SUGCT: variants seen among roughly 807,000 people sequenced by gnomAD.
SUGCT encodes the protein succinyl-CoA:glutarate CoA-transferase.
SUGCT carries 41 observed loss-of-function variants against 55.0 expected under a neutral mutation model. The observed-to-expected ratio is 0.74, with a 90% confidence interval of 0.58 to 0.97. The LOEUF (loss-of-function observed/expected upper bound fraction) is 0.97. SUGCT is among the 50% of genes least tolerant of loss of function. SUGCT has a pLI of 0.00. For synonymous variants in SUGCT, 187 were observed against 200.4 expected, an observed-to-expected ratio of 0.93 and a Z score of 0.56; for missense variants, 568 against 547.8, an observed-to-expected ratio of 1.04 and a Z score of -0.37.
chr7:40,959,803 G>A, the SUGCT span, among the ~76,000 whole-genome samples: 3 of 152,306 alleles, frequency 2.0e-5, no homozygotes, highest in South Asian at 4.1e-4. Flanking sequence ...CACTGGTGGT[G>A]TAGGCACCTG....
At chr7:40,948,624 G>T in the SUGCT span, among the ~76,000 whole-genome samples, 3 of 151,464 alleles carry the variant, frequency 2.0e-5, no homozygotes, top group Non-Finnish European at 4.4e-5. Flanking sequence ...CCGCCGACAG[G>T]CCCCAGTGTG....
At chr7:40,645,027 G>A (rs970358527) in intron 12 of SUGCT, among the ~76,000 whole-genome samples, 2 of 152,138 alleles carry the variant, frequency 1.3e-5, no homozygotes, top group Non-Finnish European at 2.9e-5. Flanking sequence ...CCCGCTGCAG[G>A]CCTTTTAATC....
chr7:40,747,144 C>T (rs142113685), intron 12 of SUGCT, among the ~76,000 whole-genome samples: 141 of 152,270 alleles, frequency 9.3e-4, no homozygotes, highest in Non-Finnish European at 1.1e-3. Flanking sequence ...CTGGCCAGCT[C>T]TTGAGTACAA....
chr7:40,314,853 T>A (rs1795343366), intron 8 of SUGCT, among the ~76,000 whole-genome samples: 1 of 152,168 alleles, frequency 6.6e-6, no homozygotes, highest in Non-Finnish European at 1.5e-5. Context: ...TGTGAGCCAC[T>A]GCTCCCGGCC....
chr7:40,487,078 CTTTTTTTTTT>C (rs745766266), intron 11 of SUGCT, among the ~76,000 whole-genome samples: 26 of 93,902 alleles, frequency 2.8e-4, no homozygotes, highest in Admixed American at 2.4e-3. Context: ...TGATTTCAAT[CTTTTTTTTTT>C]TTTTTTTTTT....
intron 6 of SUGCT, among the ~76,000 whole-genome samples, chr7:40,232,388 G>T (rs1788771886): frequency 6.6e-6 from 1 of 152,076 alleles, no homozygotes; most frequent in Non-Finnish European, 1.5e-5. Context: ...TTAACCCAGG[G>T]CAACAGGGGT....
chr7:40,253,917 C>T (rs1790619251), intron 7 of SUGCT, among the ~76,000 whole-genome samples: 1 of 152,206 alleles, frequency 6.6e-6, no homozygotes, highest in Non-Finnish European at 1.5e-5. Context: ...CTTTACACAA[C>T]TTACTTGTTG....
At chr7:40,237,191 C>T (rs1244223439) in intron 6 of SUGCT, among the ~76,000 whole-genome samples, 2 of 150,358 alleles carry the variant, frequency 1.3e-5, no homozygotes, top group Non-Finnish European at 1.5e-5. Flanking sequence ...TGCCTGTAAT[C>T]CTAGCATTTT....
At chr7:40,778,407 A>C (rs1054703847) in intron 13 of SUGCT, among the ~76,000 whole-genome samples, 2 of 152,254 alleles carry the variant, frequency 1.3e-5, no homozygotes, top group Admixed American at 1.3e-4. Context: ...TATGTTTAGA[A>C]ATTAAATATG....
At chr7:40,188,434 C>CAAAAAAAAAAA in intron 3 of SUGCT, 61 bp from the exon 4 acceptor site, 1 of 598,174 alleles carries the variant, frequency 1.7e-6, no homozygotes, top group South Asian at 2.1e-5. Context: ...ACTCCATCTC[C>CAAAAAAAAAAA]AAAAAAAAAA....
At position 40,564,971 on chromosome 7, in the gene SUGCT, A is replaced by G. The variant is rs1358832384; in HGVS notation, c.1089+68585A>G. Among the ~76,000 whole-genome samples, 3 of 152,220 alleles carry G rather than the reference A, an allele frequency of 2.0e-5. No individual in the cohort carries two copies. The East Asian group carries it at 5.8e-4, about 29-fold the overall frequency. On this transcript the variant is annotated intron_variant, in intron 12 of 13. Transcript: ENST00000335693. ...TCTCATGTAAGTAGCTCAAGATCCA[A>G]TTTCCTGTACCCCAGGAAGAATGGT... is the stretch of plus-strand genomic sequence containing the variant.
At chr7:40,322,646 A>C (rs1795815993) in intron 9 of SUGCT, among the ~76,000 whole-genome samples, 1 of 152,200 alleles carries the variant, frequency 6.6e-6, no homozygotes, top group Admixed American at 6.5e-5. Context: ...CTTGAGAATA[A>C]GACTGTAACC....
At chr7:40,481,708 T>C (rs1791056804) in intron 11 of SUGCT, among the ~76,000 whole-genome samples, 1 of 152,138 alleles carries the variant, frequency 6.6e-6, no homozygotes, top group Non-Finnish European at 1.5e-5. Flanking sequence ...AGATGCCCCC[T>C]TTTTCCCTAT....
intron 1 of SUGCT, chr7:40,153,380 G>A: frequency 2.7e-6 from 1 of 370,178 alleles, no homozygotes; most frequent in South Asian, 2.5e-5. Flanking sequence ...GATGTTTAAG[G>A]CTATTTTAAG....
intron 1 of SUGCT, among the ~76,000 whole-genome samples, chr7:40,141,044 T>G (rs1024076898): frequency 6.6e-6 from 1 of 152,184 alleles, no homozygotes; most frequent in Non-Finnish European, 1.5e-5. Context: ...TAGTTTTCCT[T>G]GTAGATTTCT....
intron 12 of SUGCT, among the ~76,000 whole-genome samples, chr7:40,647,384 A>T (rs1361012271): frequency 6.6e-6 from 1 of 152,204 alleles, no homozygotes; most frequent in Non-Finnish European, 1.5e-5. Flanking sequence ...GTGCAAAAGT[A>T]CTACTGATAC....
chr7:40,569,186 G>T (rs1796303519), intron 12 of SUGCT, among the ~76,000 whole-genome samples: 1 of 152,078 alleles, frequency 6.6e-6, no homozygotes, highest in African/African-American at 2.4e-5. Flanking sequence ...GAGATATAGG[G>T]GTCAGGGATT....
intron 12 of SUGCT, among the ~76,000 whole-genome samples, chr7:40,643,066 C>T (rs190214098): frequency 6.6e-6 from 1 of 152,146 alleles, no homozygotes; most frequent in Admixed American, 6.5e-5. Context: ...TAATTACTTG[C>T]CACTTTGCAA....
At chr7:40,443,445 A>G (rs879118534) in intron 9 of SUGCT, among the ~76,000 whole-genome samples, 1 of 151,892 alleles carries the variant, frequency 6.6e-6, no homozygotes, top group East Asian at 1.9e-4. Flanking sequence ...TCTCATTGTG[A>G]TTTTGATTTG....
Sources: allele counts gnomAD v4.1 joint callset (sites outside exome capture counted in the v4.1 genomes callset), GRCh38; gene constraint gnomAD v4.1.1; transcripts MANE v1.5; gene names NCBI Gene and HGNC (gene_info 2026-07-23, HGNC 2026-07-21).